Variants in SPOCK3 observed in about 807,000 individuals in gnomAD.
The protein encoded by SPOCK3 is SPARC (osteonectin), cwcv and kazal like domains proteoglycan 3.
In SPOCK3, 30 loss-of-function variants were observed where a neutral mutation model predicts 56.6. The ratio of observed to expected loss-of-function variants is 0.53; its 90% CI spans 0.40 to 0.72. The LOEUF (loss-of-function observed/expected upper bound fraction) is 0.72, where lower values mean the gene tolerates loss of function less well. Among genes scored for constraint, SPOCK3 ranks in the 30% least tolerant of loss-of-function variants. SPOCK3 has a pLI of 0.00. For missense variants in SPOCK3, 527 were observed against 530.0 expected (o/e 0.99, Z 0.06); for synonymous variants, 196 against 183.3 (o/e 1.07, Z -0.56).
chr4:166,847,083 T>C (rs1428890224), intron 6 of SPOCK3, among the ~76,000 whole-genome samples: 1 of 151,890 alleles, frequency 6.6e-6, no homozygotes, highest in Admixed American at 6.6e-5. Context: ...AAAAGAAAAG[T>C]GAAAGAAGAA....
At chr4:166,777,556 A>AC (rs1282734898) in intron 7 of SPOCK3, among the ~76,000 whole-genome samples, 1 of 152,108 alleles carries the variant, frequency 6.6e-6, no homozygotes, top group Non-Finnish European at 1.5e-5. Context: ...TGGCAGGATC[A>AC]CCCCATGTCT....
intron 5 of SPOCK3, among the ~76,000 whole-genome samples, chr4:166,899,272 A>ATCTG: frequency 1.5e-5 from 2 of 133,860 alleles, no homozygotes; most frequent in East Asian, 2.3e-4. Flanking sequence ...CTATCTATCT[A>ATCTG]TCTATCTATC....
chr4:166,807,766 T>C (rs931353277), intron 6 of SPOCK3, among the ~76,000 whole-genome samples: 3 of 152,158 alleles, frequency 2.0e-5, no homozygotes, highest in Admixed American at 2.0e-4. Context: ...AAATTCTTAC[T>C]ATTTGTATTC....
chr4:166,910,299 G>A (rs1378836212), intron 5 of SPOCK3, among the ~76,000 whole-genome samples: 1 of 151,988 alleles, frequency 6.6e-6, no homozygotes, highest in Non-Finnish European at 1.5e-5. Context: ...GTCTTTCTAT[G>A]TAAAAAAGCA....
intron 2 of SPOCK3, among the ~76,000 whole-genome samples, chr4:167,168,942 C>A (rs1730250762): frequency 1.3e-5 from 2 of 152,116 alleles, no homozygotes; most frequent in Non-Finnish European, 2.9e-5. Flanking sequence ...CTAAAAGGAT[C>A]CAAGGTACAC....
At chr4:166,882,790 T>G (rs2126986061) in intron 6 of SPOCK3, 1 of 152,304 alleles carries the variant, frequency 6.6e-6, no homozygotes, top group African/African-American at 2.4e-5. Context: ...GAGAAGACAT[T>G]GAAAACTCCT....
At chr4:166,745,307 A>T (rs189444537) in intron 8 of SPOCK3, among the ~76,000 whole-genome samples, 1 of 152,350 alleles carries the variant, frequency 6.6e-6, no homozygotes, top group Non-Finnish European at 1.5e-5. Context: ...AAACTCTATG[A>T]GCCAGAAGAG....
At chr4:167,111,033 C>T (rs1760858996) in intron 2 of SPOCK3, among the ~76,000 whole-genome samples, 1 of 151,160 alleles carries the variant, frequency 6.6e-6, no homozygotes. Context: ...ACTTACAGGG[C>T]CAAAAAAAGA....
intron 3 of SPOCK3, among the ~76,000 whole-genome samples, chr4:167,039,593 A>T (rs1218681694): frequency 6.6e-6 from 1 of 152,060 alleles, no homozygotes; most frequent in Non-Finnish European, 1.5e-5. Context: ...TGAGTCAAGG[A>T]TAGAAATGAG....
At chr4:167,223,423 A>C (rs1349709499) in intron 2 of SPOCK3, among the ~76,000 whole-genome samples, 1 of 149,942 alleles carries the variant, frequency 6.7e-6, no homozygotes, top group East Asian at 2.0e-4. Flanking sequence ...ATATATATTA[A>C]AGTGGGATAA....
At chr4:167,130,159 T>G (rs1046765382) in intron 2 of SPOCK3, among the ~76,000 whole-genome samples, 1 of 152,022 alleles carries the variant, frequency 6.6e-6, no homozygotes, top group South Asian at 2.1e-4. Context: ...AGAGAGAGGT[T>G]TTCATTATGT....
intron 6 of SPOCK3, among the ~76,000 whole-genome samples, chr4:166,884,563 G>C (rs1377105319): frequency 6.6e-6 from 1 of 151,864 alleles, no homozygotes; most frequent in South Asian, 2.1e-4. Flanking sequence ...AATTACAAAT[G>C]GCATTTAATA....
intron 2 of SPOCK3, among the ~76,000 whole-genome samples, chr4:167,189,459 CA>C (rs947625549): frequency 7.6e-5 from 11 of 144,450 alleles, no homozygotes; most frequent in South Asian, 2.2e-4. Context: ...TTCATCAGTC[CA>C]AAAAAAATTT....
intron 3 of SPOCK3, among the ~76,000 whole-genome samples, chr4:167,022,709 C>T (rs1374639391): frequency 6.6e-6 from 1 of 151,968 alleles, no homozygotes; most frequent in Non-Finnish European, 1.5e-5. Flanking sequence ...GAGTTTAGGG[C>T]AGCATATCCC....
chr4:166,745,715 C>A (rs2126430949), intron 8 of SPOCK3, among the ~76,000 whole-genome samples: 1 of 152,258 alleles, frequency 6.6e-6, no homozygotes. Context: ...AGAGTCAAGA[C>A]CCATCAGTGT....
In SPOCK3 at chr4:167,052,325, T is replaced by TA. The variant is rs964658677; in HGVS notation, c.235+10166dup. Among the ~76,000 whole-genome samples, 39 of 152,316 alleles carry TA rather than the reference T, an allele frequency of 2.6e-4. 1 individual carries two copies. The highest frequency in any genetic ancestry group is 2.4e-3 in the Admixed American group (36 of 15,292). On this transcript the variant is annotated intron_variant, in intron 3 of 10. Coordinates refer to ENST00000357545, the MANE Select transcript of SPOCK3 (RefSeq NM_001040159.2). ...ATTTACTGTTGGTTTCTAGCTTGAA[T>TA]ATAATTTCTTAGCAGGTTTTCCTCA...
chr4:166,998,537 T>C (rs950399410), intron 4 of SPOCK3, among the ~76,000 whole-genome samples: 44 of 152,128 alleles, frequency 2.9e-4, no homozygotes, highest in African/African-American at 9.9e-4. Flanking sequence ...TCTGAAAATT[T>C]CTAGCTTTGT....
At chr4:166,966,789 T>C (rs11935140) in intron 4 of SPOCK3, among the ~76,000 whole-genome samples, 39,571 of 151,986 alleles carry the variant, frequency 0.26, 5,343 homozygotes, top group African/African-American at 0.32. Flanking sequence ...AAATTTGACC[T>C]TACTGACCCT....
chr4:166,820,376 TA>T (rs995299148), intron 6 of SPOCK3, among the ~76,000 whole-genome samples: 4 of 152,002 alleles, frequency 2.6e-5, no homozygotes, highest in African/African-American at 7.2e-5. Flanking sequence ...ACTGGTATAG[TA>T]CAACAGTAGA....
Sources: gnomAD v4.1 joint callset for allele counts (sites outside exome capture counted in the v4.1 genomes callset) on GRCh38, gnomAD v4.1.1 for gene constraint, MANE v1.5 for transcripts, NCBI Gene and HGNC (gene_info 2026-07-23, HGNC 2026-07-21) for gene names.